DNAH14: variants seen among roughly 807,000 people sequenced by gnomAD.
DNAH14 encodes axonemal beta dynein heavy chain 14.
Under a neutral mutation model 520.9 loss-of-function variants are expected in DNAH14, and 478 were observed. The observed-to-expected ratio is 0.92, with a 90% CI of 0.85 to 0.99. The LOEUF (loss-of-function observed/expected upper bound fraction) is 0.99. Among genes scored for constraint, DNAH14 ranks in the 50% least tolerant of loss-of-function variants. The pLI, the probability that DNAH14 is intolerant of heterozygous loss-of-function variation, is 0.00. For synonymous variants in DNAH14, 1,581 were observed against 1,757.2 expected (o/e 0.90, Z 2.51); for missense variants, 4,831 against 5,234.5 (o/e 0.92, Z 2.38).
At chr1:225,194,890 G>A (rs2085933511) in intron 38 of DNAH14, among the ~76,000 whole-genome samples, 1 of 151,950 alleles carries the variant, frequency 6.6e-6, no homozygotes, top group African/African-American at 2.4e-5. Context: ...GATATACATT[G>A]AGCCAATAAC....
At chr1:225,120,641 G>A (rs1352547528) in intron 26 of DNAH14, among the ~76,000 whole-genome samples, 2 of 152,174 alleles carry the variant, frequency 1.3e-5, no homozygotes, top group Non-Finnish European at 2.9e-5. Flanking sequence ...AGTTAGTTGC[G>A]TCTGATCTCT....
intron 28 of DNAH14, 88 bp from the exon 29 acceptor site, chr1:225,144,309 A>G (rs2079720830): frequency 1.9e-6 from 2 of 1,042,712 alleles, no homozygotes; most frequent in Non-Finnish European, 2.8e-6. Flanking sequence ...TCAATGCTCC[A>G]TTTTTAATCT....
chr1:224,995,072 A>G (rs892757587), intron 8 of DNAH14, among the ~76,000 whole-genome samples: 1 of 152,124 alleles, frequency 6.6e-6, no homozygotes, highest in Non-Finnish European at 1.5e-5. Context: ...TGTACTAGGA[A>G]TTGCTTTACA....
chr1:225,130,100 A>C (rs566016785), intron 27 of DNAH14, among the ~76,000 whole-genome samples: 1 of 152,364 alleles, frequency 6.6e-6, no homozygotes, highest in South Asian at 2.1e-4. Context: ...AAAGAAATGC[A>C]AATCAAAACC....
intron 36 of DNAH14, among the ~76,000 whole-genome samples, chr1:225,170,835 C>T (rs919743356): frequency 6.6e-6 from 1 of 152,162 alleles, no homozygotes; most frequent in Non-Finnish European, 1.5e-5. Context: ...AGCACCACAC[C>T]GCACTTATTC....
intron 40 of DNAH14, 36 bp from the exon 41 acceptor site, chr1:225,206,932 A>T (rs2087645165): frequency 7.1e-7 from 1 of 1,401,308 alleles, no homozygotes; most frequent in Non-Finnish European, 9.3e-7. Context: ...ATTTTTATTT[A>T]TTTACATAAG....
intron 37 of DNAH14, among the ~76,000 whole-genome samples, chr1:225,190,718 G>C (rs1367276110): frequency 6.6e-6 from 1 of 151,968 alleles, no homozygotes; most frequent in Non-Finnish European, 1.5e-5. Context: ...ACAGAGAAAA[G>C]ACCACATGAA....
chr1:225,194,449 A>G (rs1316925013), intron 38 of DNAH14, among the ~76,000 whole-genome samples: 1 of 151,894 alleles, frequency 6.6e-6, no homozygotes, highest in African/African-American at 2.4e-5. Context: ...TTCCTGTTCA[A>G]TACATGATGT....
chr1:225,097,521 C>T (rs1184212586), intron 22 of DNAH14, among the ~76,000 whole-genome samples: 1 of 152,166 alleles, frequency 6.6e-6, no homozygotes, highest in African/African-American at 2.4e-5. Context: ...CGCCTGTAAT[C>T]TCAGCATTTT....
At chr1:225,350,137 C>A (rs2095345535) in intron 71 of DNAH14, among the ~76,000 whole-genome samples, 1 of 152,058 alleles carries the variant, frequency 6.6e-6, no homozygotes, top group African/African-American at 2.4e-5. Flanking sequence ...AGAATGAAAA[C>A]TGAAAAATCC....
chr1:225,060,780 TC>T (rs2069948438), intron 17 of DNAH14, among the ~76,000 whole-genome samples: 1 of 45,684 alleles, frequency 2.2e-5, no homozygotes, highest in African/African-American at 3.3e-5. Context: ...GGAGGTCCAC[TC>T]CAGACCCTGT....
chr1:225,192,236 G>C (rs1420700030), intron 37 of DNAH14, among the ~76,000 whole-genome samples: 1 of 152,064 alleles, frequency 6.6e-6, no homozygotes, highest in African/African-American at 2.4e-5. Flanking sequence ...CTGAAGAAGT[G>C]CCTGCCAATT....
chr1:225,046,373 C>T (rs2067964746), intron 15 of DNAH14, among the ~76,000 whole-genome samples: 1 of 152,042 alleles, frequency 6.6e-6, no homozygotes, highest in African/African-American at 2.4e-5. Context: ...GAGAGGACTT[C>T]CCAATGATCA....
chr1:225,200,214 A>G (rs2086646669), intron 38 of DNAH14, among the ~76,000 whole-genome samples: 2 of 152,078 alleles, frequency 1.3e-5, no homozygotes, highest in Admixed American at 1.3e-4. Context: ...TCTTAAGTTT[A>G]TGTGAGTCAT....
Position 225,181,761 on chromosome 1 carries a change from G to A in DNAH14, c.5536-3530G>A, listed in dbSNP as rs774131719. Among the ~76,000 whole-genome samples, 22 of 152,000 alleles carry A rather than the reference G, an allele frequency of 1.4e-4. 1 individual carries two copies. The highest frequency in any genetic ancestry group is 6.3e-4 in the South Asian group (3 of 4,792). On this transcript the variant is annotated intron_variant, in intron 36 of 85. Coordinates refer to ENST00000682510, the MANE Select transcript of DNAH14 (RefSeq NM_001367479.1). ...TGGACCTTTGTCAGATGCATGGTTTGCAAATATCTTCTCCCCGCTGTTTAT... is the reference window on the plus strand; with the variant it reads ...TGGACCTTTGTCAGATGCATGGTTTACAAATATCTTCTCCCCGCTGTTTAT...
chr1:225,176,962 G>T (rs906020317), intron 36 of DNAH14, among the ~76,000 whole-genome samples: 1 of 152,186 alleles, frequency 6.6e-6, no homozygotes, highest in African/African-American at 2.4e-5. Context: ...AGCGACTTTG[G>T]ATCTGGGTAA....
intron 41 of DNAH14, among the ~76,000 whole-genome samples, chr1:225,215,010 T>G (rs535471243): frequency 6.6e-6 from 1 of 152,222 alleles, no homozygotes; most frequent in Non-Finnish European, 1.5e-5. Flanking sequence ...AGGGTGTCAA[T>G]TTTAGATCCT....
intron 12 of DNAH14, 63 bp from the exon 13 acceptor site, chr1:225,042,772 T>C: frequency 1.4e-6 from 2 of 1,479,304 alleles, no homozygotes; most frequent in South Asian, 2.9e-5. Flanking sequence ...GTCTGTATTC[T>C]AAATTAAATG....
At chr1:225,224,494 G>A (rs1028897552) in intron 41 of DNAH14, among the ~76,000 whole-genome samples, 4 of 150,694 alleles carry the variant, frequency 2.7e-5, no homozygotes, top group African/African-American at 9.8e-5. Flanking sequence ...GCAGTCAGTT[G>A]CTAGGTTATG....
Sources: gnomAD v4.1 joint callset for allele counts (sites outside exome capture counted in the v4.1 genomes callset) on GRCh38, gnomAD v4.1.1 for gene constraint, MANE v1.5 for transcripts, NCBI Gene and HGNC (gene_info 2026-07-23, HGNC 2026-07-21) for gene names.